DDX60: variants seen among roughly 807,000 people sequenced by gnomAD.
The protein encoded by DDX60 is DExD/H-box helicase 60.
Under a neutral mutation model 212.8 loss-of-function variants are expected in DDX60, and 165 were observed. The ratio of observed to expected loss-of-function variants is 0.78; its 90% confidence interval spans 0.68 to 0.88. The LOEUF (loss-of-function observed/expected upper bound fraction) is 0.88, where lower values mean the gene tolerates loss of function less well. Among genes scored for constraint, DDX60 ranks in the 40% least tolerant of loss-of-function variants. The pLI is 0.00. For synonymous variants in DDX60, 703 were observed against 685.3 expected (o/e 1.03, Z -0.40); for missense variants, 1,905 against 2,003.9 (o/e 0.95, Z 0.94).
At chr4:168,223,655 T>C (rs1733143826) in intron 35 of DDX60, among the ~76,000 whole-genome samples, 1 of 152,098 alleles carries the variant, frequency 6.6e-6, no homozygotes, top group Non-Finnish European at 1.5e-5. Flanking sequence ...TCATTTAAAA[T>C]GCACAAGATG....
intron 16 of DDX60, 25 bp from the exon 17 acceptor site, chr4:168,274,108 T>C (rs1284671490): frequency 8.1e-6 from 13 of 1,613,044 alleles, no homozygotes; most frequent in Non-Finnish European, 1.7e-6. Flanking sequence ...GTACCATTCA[T>C]GTCAAGAAAC....
chr4:168,296,877 T>C (rs1736366598), intron 6 of DDX60, among the ~76,000 whole-genome samples: 1 of 149,066 alleles, frequency 6.7e-6, no homozygotes, highest in Non-Finnish European at 1.5e-5. Context: ...AAGTGATCTT[T>C]TTTTTTTTTT....
intron 13 of DDX60, among the ~76,000 whole-genome samples, chr4:168,282,257 C>G (rs1735625960): frequency 6.6e-6 from 1 of 152,106 alleles, no homozygotes; most frequent in African/African-American, 2.4e-5. Context: ...CATGTGAGAA[C>G]CTTTTAGAGT....
rs141089972 is a variant in DDX60, at chr4:168,254,016, C to T, written c.3558-1360G>A. On this transcript the variant is annotated intron_variant, in intron 26 of 37. Coordinates refer to ENST00000393743, the MANE Select transcript of DDX60 (RefSeq NM_017631.6). The stretch of plus-strand genomic sequence containing the variant: ...GTTACCTTTAACTCAGGGGAGAACG[C>T]TCTGACTATGGAAGGGCCTGGCCCT... Among the ~76,000 whole-genome samples, 431 of 152,354 alleles carry T rather than the reference C, an allele frequency of 2.8e-3. 3 individuals carry two copies. The highest frequency in any genetic ancestry group is 9.7e-3 in the African/African-American group (405 of 41,586).
chr4:168,233,246 T>C (rs1286571846), intron 33 of DDX60, among the ~76,000 whole-genome samples: 2 of 152,010 alleles, frequency 1.3e-5, no homozygotes, highest in African/African-American at 2.4e-5. Context: ...GGGAACACTT[T>C]TACAAAGCTG....
At chr4:168,293,636 G>T in intron 7 of DDX60, 151 bp downstream of exon 7, 1 of 687,568 alleles carries the variant, frequency 1.5e-6, no homozygotes, top group Non-Finnish European at 2.4e-6. Flanking sequence ...AGTGTTTCCT[G>T]ATAGACACAA....
chr4:168,229,130 G>T (rs562293229), intron 33 of DDX60, among the ~76,000 whole-genome samples: 1 of 152,188 alleles, frequency 6.6e-6, no homozygotes, highest in Non-Finnish European at 1.5e-5. Context: ...AAAGCCAAGA[G>T]AATCCACAGA....
In DDX60 at chr4:168,255,792, G is replaced by C; in HGVS notation, c.3476C>G (p.Pro1159Arg). The C allele has an allele frequency of 6.2e-7, 1 of 1,609,000 alleles. No individual in the cohort carries two copies. Among genetic ancestry groups the C allele is most frequent in the Non-Finnish European group, 8.5e-7 (1 of 1,178,596 alleles). ...FLKKKQETKRPPKADKEAHVM... is the reference protein window; with the variant it reads ...FLKKKQETKRRPKADKEAHVM... ...ATGGGCTTCTTTATCAGCTTTGGGA[G>C]GCCTTTTTGTCTCCTGCTTTTTCTT... Residue 1159 changes from proline (P) to arginine (R), a missense_variant, in exon 26 of 38, where the codon CCT (proline) becomes CGT (arginine). Transcript: ENST00000393743.
rs538774993 is a variant in DDX60, at chr4:168,217,502, T to C, written c.5040-470A>G. Among the ~76,000 whole-genome samples the C allele has an allele frequency of 2.6e-5, 4 of 152,326 alleles. No homozygotes were observed. The East Asian group carries it at 7.7e-4, about 29-fold the overall frequency. On this transcript the variant is annotated intron_variant, in intron 37 of 37. Coordinates refer to ENST00000393743, the MANE Select transcript of DDX60 (RefSeq NM_017631.6). ...CAACAAGATATGGTAAGCAGAATAA[T>C]GGCCCTGCAAAGATGTCCATATCAT...
At chr4:168,301,936 T>C (rs1177758459) in intron 6 of DDX60, among the ~76,000 whole-genome samples, 1 of 152,230 alleles carries the variant, frequency 6.6e-6, no homozygotes, top group African/African-American at 2.4e-5. Context: ...TCATTACTGA[T>C]TCGCAGTCTT....
At position 168,237,433 on chromosome 4, in the gene DDX60, G is replaced by A; in HGVS notation, c.4270-6C>T. ...CCTTCTTGATCTAAATAGCCCTAAA[G>A]AACAAAAAACAATTTATTAGTTTGA... On this transcript the variant is annotated splice_polypyrimidine_tract_variant and splice_region_variant and intron_variant, in intron 31 of 37. Transcript: ENST00000393743. The A allele has an allele frequency of 6.5e-7, 1 of 1,548,712 alleles. No homozygotes were observed. The highest frequency in any genetic ancestry group is 8.7e-7 in the Non-Finnish European group (1 of 1,153,856).
At chr4:168,320,782 T>C (rs1737587515), upstream of DDX60, among the ~76,000 whole-genome samples, 1 of 152,202 alleles carries the variant, frequency 6.6e-6, no homozygotes, top group South Asian at 2.1e-4. Flanking sequence ...AGCAAGTTCA[T>C]GAGGTGTGTA....
intron 26 of DDX60, 58 bp from the exon 27 acceptor site, chr4:168,252,714 A>C (rs1734264308): frequency 2.1e-6 from 3 of 1,438,188 alleles, no homozygotes; most frequent in African/African-American, 1.4e-5. Context: ...TGAAGTAATT[A>C]ATTTGATTTG....
chr4:168,312,756 G>GATAGATAGATAGATAGATATGAT (rs1560884812), intron 1 of DDX60, among the ~76,000 whole-genome samples: 4 of 68,984 alleles, frequency 5.8e-5, no homozygotes, highest in African/African-American at 8.5e-5. Flanking sequence ...ATATGATAGA[G>GATAGATAGATAGATAGATATGAT]AGAGAGAGAT....
Position 168,255,587 on chromosome 4 carries a change from T to G in DDX60, c.3557+124A>C, listed in dbSNP as rs193056589. ...CATTCTCTCACCCAAATGTACTCAA[T>G]TTAGAAATAAGTCCAAGCGACAACT... On this transcript the variant is annotated intron_variant, in intron 26 of 37. Coordinates refer to ENST00000393743, the MANE Select transcript of DDX60 (RefSeq NM_017631.6). 2,127 of 784,538 alleles carry G rather than the reference T, an allele frequency of 2.7e-3. 21 individuals carry two copies. The highest frequency in any genetic ancestry group is 0.027 in the African/African-American group (1,490 of 55,276). The allele number at this position is 784,538 out of a possible 1,614,324, so 48.6% of individuals were successfully genotyped here.
chr4:168,230,024 G>A (rs1266111790), intron 33 of DDX60, among the ~76,000 whole-genome samples: 1 of 151,926 alleles, frequency 6.6e-6, no homozygotes, highest in Admixed American at 6.6e-5. Context: ...AAGGGGTGGA[G>A]AAACATATTC....
At chr4:168,250,576 A>G (rs1444151451) in intron 28 of DDX60, among the ~76,000 whole-genome samples, 1 of 148,220 alleles carries the variant, frequency 6.7e-6, no homozygotes, top group East Asian at 2.0e-4. Flanking sequence ...CCCAGGCTAG[A>G]GTGTGATGGC....
At chr4:168,307,539 G>A (rs1170104089) in intron 4 of DDX60, among the ~76,000 whole-genome samples, 2 of 151,984 alleles carry the variant, frequency 1.3e-5, no homozygotes, top group African/African-American at 2.4e-5. Flanking sequence ...AAACTCCTGG[G>A]CTCAAGTAAT....
chr4:168,226,992 T>C (rs1296824011), intron 33 of DDX60, among the ~76,000 whole-genome samples: 1 of 152,104 alleles, frequency 6.6e-6, no homozygotes, highest in African/African-American at 2.4e-5. Context: ...ATTTCTGTTG[T>C]TTATTAGCCA....
Sources: gnomAD v4.1 joint callset for allele counts (sites outside exome capture counted in the v4.1 genomes callset) on GRCh38, gnomAD v4.1.1 for gene constraint, MANE v1.5 for transcripts, NCBI Gene and HGNC (gene_info 2026-07-23, HGNC 2026-07-21) for gene names.